NUCKS1: variants seen among roughly 807,000 people sequenced by gnomAD.
NUCKS1 encodes the protein nuclear ubiquitous casein and cyclin-dependent kinase substrate 1.
A neutral mutation model predicts 33.0 loss-of-function variants in NUCKS1; 2 were observed. The observed-to-expected ratio is 0.06, with a 90% CI of 0.02 to 0.19. The LOEUF is 0.19. Ranked by LOEUF, NUCKS1 falls within the 10% of genes least tolerant of loss-of-function variation. The probability of loss-of-function intolerance (pLI) is 1.00; values close to 1 mark genes in which losing one functional copy is unlikely to be tolerated. For synonymous variants in NUCKS1, 106 were observed against 102.8 expected (o/e 1.03, Z -0.19); for missense variants, 201 against 293.6 (o/e 0.68, Z 2.31).
intron 1 of NUCKS1, among the ~76,000 whole-genome samples, chr1:205,730,440 A>T (rs1239662932): frequency 2.0e-5 from 3 of 152,156 alleles, no homozygotes; most frequent in Non-Finnish European, 4.4e-5. Flanking sequence ...GTCAAGCTAC[A>T]ATTCTCATAC....
chr1:205,746,906 C>A (rs1654346170), intron 1 of NUCKS1, among the ~76,000 whole-genome samples: 1 of 152,112 alleles, frequency 6.6e-6, no homozygotes, highest in African/African-American at 2.4e-5. Flanking sequence ...GTTTGAGCAA[C>A]CTGGATCACT....
Position 205,718,193 on chromosome 1 carries a change from T to C in NUCKS1, c.*87A>G. On this transcript the variant is annotated 3_prime_UTR_variant, in exon 7 of 7. Transcript: ENST00000367142. ...GCCATAGCCAAAACCATGTTCTATC[T>C]TAAGTAGGTTCTTTTTTTTCCTCCC... is the stretch of plus-strand genomic sequence containing the variant. The C allele has an allele frequency of 6.7e-7, 1 of 1,497,912 alleles. No individual in the cohort carries two copies. The highest frequency in any genetic ancestry group is 8.8e-7 in the Non-Finnish European group (1 of 1,135,438). 92.8% of individuals were successfully genotyped at this position (1,497,912 alleles called of 1,614,324 possible). A position where few individuals can be genotyped will look rare whatever the true frequency, so the allele number is the denominator to read the frequency against.
chr1:205,726,882 A>C (rs764460707), intron 3 of NUCKS1, among the ~76,000 whole-genome samples: 1 of 152,184 alleles, frequency 6.6e-6, no homozygotes, highest in Non-Finnish European at 1.5e-5. Flanking sequence ...TGTTACACCA[A>C]GTGTAACAAG....
At chr1:205,743,703 T>A (rs1259812345) in intron 1 of NUCKS1, among the ~76,000 whole-genome samples, 1 of 152,180 alleles carries the variant, frequency 6.6e-6, no homozygotes, top group Non-Finnish European at 1.5e-5. Flanking sequence ...AGTGGAGCCT[T>A]AAGTGAAATG....
In NUCKS1 at chr1:205,730,550, G is replaced by A. The variant is rs1295586928; in HGVS notation, c.18-929C>T. ...GTCGCCCAGGCTAGAGTGCAATGGC[G>A]AGATCTTGGCTCACTGCAACCTCTG... is the stretch of plus-strand genomic sequence containing the variant. On this transcript the variant is annotated intron_variant, in intron 1 of 6. Coordinates refer to ENST00000367142, the MANE Select transcript of NUCKS1 (RefSeq NM_022731.5). 2.7e-5 allele frequency among the ~76,000 whole-genome samples: 4 copies of A among 150,646 alleles called. No homozygotes were observed. The East Asian group carries it at 7.9e-4, about 30-fold the overall frequency.
intron 1 of NUCKS1, among the ~76,000 whole-genome samples, chr1:205,743,232 T>C (rs1654225544): frequency 6.6e-6 from 1 of 152,220 alleles, no homozygotes; most frequent in Non-Finnish European, 1.5e-5. Flanking sequence ...TAGCTTTCTT[T>C]CTTAACTAAC....
At position 205,713,872 on chromosome 1, in the gene NUCKS1, C is replaced by T. The variant is rs930820661; in HGVS notation, c.*4408G>A. The stretch of plus-strand genomic sequence containing the variant: ...TGCTCAGAACATAAAAGATTAAGGA[C>T]TAAAATCAAGGAAGACTGGGAGTTT... On this transcript the variant is annotated 3_prime_UTR_variant, in exon 7 of 7. Coordinates refer to ENST00000367142, the MANE Select transcript of NUCKS1 (RefSeq NM_022731.5). The T allele has an allele frequency of 1.2e-4, 18 of 152,194 alleles. No homozygotes were observed. The highest frequency in any genetic ancestry group is 3.3e-4 in the Admixed American group (5 of 15,290). The allele number at this position is 152,194 out of a possible 1,614,324, so 9.4% of individuals were successfully genotyped here.
Position 205,717,392 on chromosome 1 carries a change from A to AG in NUCKS1, c.*887dup. The AG allele has an allele frequency of 7.6e-6, 7 of 917,996 alleles. No homozygotes were observed. Among genetic ancestry groups the AG allele is most frequent in the Non-Finnish European group, 9.1e-6 (7 of 772,344 alleles). 56.9% of individuals were successfully genotyped at this position (917,996 alleles called of 1,614,324 possible). ...AGACTGATCTTGTTGATTAAATTCT[A>AG]GGGTTTTTTTTTTTTTGGATTCTTG... On this transcript the variant is annotated 3_prime_UTR_variant, in exon 7 of 7. Coordinates refer to ENST00000367142, the MANE Select transcript of NUCKS1 (RefSeq NM_022731.5).
At chr1:205,737,951 T>C (rs1007741135) in intron 1 of NUCKS1, among the ~76,000 whole-genome samples, 1 of 152,270 alleles carries the variant, frequency 6.6e-6, no homozygotes, top group African/African-American at 2.4e-5. Flanking sequence ...TGAATTTTAA[T>C]GTGAAAAGCT....
Position 205,717,904 on chromosome 1 carries a change from A to G in NUCKS1, c.*376T>C, listed in dbSNP as rs946414622. The G allele has an allele frequency of 2.2e-5, 22 of 990,936 alleles. No homozygotes were observed. Among genetic ancestry groups the G allele is most frequent in the Non-Finnish European group, 2.3e-5 (19 of 833,816 alleles). 61.4% of individuals were successfully genotyped at this position (990,936 alleles called of 1,614,324 possible). A position where few individuals can be genotyped will look rare whatever the true frequency, so the allele number is the denominator to read the frequency against. On this transcript the variant is annotated 3_prime_UTR_variant, in exon 7 of 7. Transcript: ENST00000367142. ...TTTTAGCAAAAAGCGAAGTTTCAAT[A>G]GTGTTCATCTCAAATCTTATTGCTT...
chr1:205,743,027 A>G (rs1452350305), intron 1 of NUCKS1, among the ~76,000 whole-genome samples: 5 of 152,146 alleles, frequency 3.3e-5, no homozygotes, highest in Non-Finnish European at 7.3e-5. Context: ...AGCATGCTCA[A>G]TACTTTTTAA....
At chr1:205,726,337 G>A (rs768333196) in intron 3 of NUCKS1, among the ~76,000 whole-genome samples, 4 of 152,174 alleles carry the variant, frequency 2.6e-5, no homozygotes, top group African/African-American at 7.2e-5. Context: ...GCAACATGGC[G>A]AGAGCCCATC....
intron 1 of NUCKS1, among the ~76,000 whole-genome samples, chr1:205,739,964 CT>C (rs1276641708): frequency 1.4e-5 from 2 of 138,094 alleles, no homozygotes; most frequent in Non-Finnish European, 3.1e-5. Context: ...ATTGTTTTCA[CT>C]GTATTTTACA....
At position 205,746,014 on chromosome 1, in the gene NUCKS1, G is replaced by A. The variant is rs115371037; in HGVS notation, c.17+3943C>T. ...ACTTTTCTTATAAAAGTAACTTTCCGGCCGGGCGCGGTAGTTCACGCCTGT... is the reference window on the plus strand; with the variant it reads ...ACTTTTCTTATAAAAGTAACTTTCCAGCCGGGCGCGGTAGTTCACGCCTGT... On this transcript the variant is annotated intron_variant, in intron 1 of 6. Coordinates refer to ENST00000367142, the MANE Select transcript of NUCKS1 (RefSeq NM_022731.5). Among the ~76,000 whole-genome samples the A allele has an allele frequency of 7.3e-3, 1,107 of 152,198 alleles. 17 individuals carry two copies. The highest frequency in any genetic ancestry group is 0.026 in the African/African-American group (1,074 of 41,502).
At chr1:205,719,488 T>G in intron 6 of NUCKS1, 39 bp downstream of exon 6, 1 of 1,566,414 alleles carries the variant, frequency 6.4e-7, no homozygotes, top group African/African-American at 1.4e-5. Flanking sequence ...CTCAAAATTT[T>G]TAAAGCAGTA....
intron 1 of NUCKS1, among the ~76,000 whole-genome samples, chr1:205,733,048 A>G (rs1046812862): frequency 6.6e-6 from 1 of 152,158 alleles, no homozygotes; most frequent in Non-Finnish European, 1.5e-5. Flanking sequence ...GAAGAAAGGT[A>G]TCTAGAAGAG....
At chr1:205,746,443 TCTCTCTCTCTCACACACACA>T (rs1553253305) in intron 1 of NUCKS1, among the ~76,000 whole-genome samples, 24 of 70,224 alleles carry the variant, frequency 3.4e-4, no homozygotes, top group East Asian at 2.3e-3. Flanking sequence ...CACTTCTCTC[TCTCTCTCTCTCACACACACA>T]CACACACACA....
chr1:205,748,736 C>T (rs1302247603), intron 1 of NUCKS1, among the ~76,000 whole-genome samples: 1 of 152,158 alleles, frequency 6.6e-6, no homozygotes, highest in African/African-American at 2.4e-5. Context: ...CTCTTTAGAA[C>T]TCTAATTAAA....
chr1:205,729,514 A>G, intron 2 of NUCKS1, 58 bp downstream of exon 2: 3 of 1,103,696 alleles, frequency 2.7e-6, no homozygotes, highest in South Asian at 1.3e-5. Flanking sequence ...AAACTATATA[A>G]GCTGGTAACC....
Sources: gnomAD v4.1 joint callset for allele counts (sites outside exome capture counted in the v4.1 genomes callset) on GRCh38, gnomAD v4.1.1 for gene constraint, MANE v1.5 for transcripts, NCBI Gene and HGNC (gene_info 2026-07-23, HGNC 2026-07-21) for gene names.